Variants in PPM1L observed in about 807,000 individuals in gnomAD.
PPM1L encodes the protein protein phosphatase 1L.
In PPM1L, 13 loss-of-function variants were observed where a neutral mutation model predicts 31.4. The observed-to-expected ratio is 0.41, with a 90% confidence interval of 0.27 to 0.66. The LOEUF is 0.66. Ranked by LOEUF, PPM1L falls within the 30% of genes least tolerant of loss-of-function variation. PPM1L has a pLI of 0.29. For synonymous variants in PPM1L, 184 were observed against 175.4 expected, an observed-to-expected ratio of 1.05 and a Z score of -0.39; for missense variants, 326 against 453.7, an observed-to-expected ratio of 0.72 and a Z score of 2.56.
intron 1 of PPM1L, among the ~76,000 whole-genome samples, chr3:160,887,625 C>T (rs994889224): frequency 4.7e-5 from 7 of 149,704 alleles, no homozygotes; most frequent in Admixed American, 6.7e-5. Flanking sequence ...CTGTCACCCA[C>T]GCTGGAGTGC....
chr3:160,969,068 AG>A (rs1213942750), intron 2 of PPM1L, among the ~76,000 whole-genome samples: 1 of 152,226 alleles, frequency 6.6e-6, no homozygotes, highest in African/African-American at 2.4e-5. Context: ...TTTGGGTATC[AG>A]AGTTGGGAGC....
chr3:160,975,224 T>C (rs916970424), intron 2 of PPM1L, among the ~76,000 whole-genome samples: 1 of 152,148 alleles, frequency 6.6e-6, no homozygotes, highest in Admixed American at 6.5e-5. Flanking sequence ...TCTGTTCCAT[T>C]GATCTATATC....
At chr3:160,833,015 C>T (rs553039386) in intron 1 of PPM1L, among the ~76,000 whole-genome samples, 11 of 152,182 alleles carry the variant, frequency 7.2e-5, no homozygotes, top group Admixed American at 4.6e-4. Flanking sequence ...TGAGAACATG[C>T]GGTGTTTGGT....
At chr3:161,058,505 G>A (rs539322782) in intron 2 of PPM1L, among the ~76,000 whole-genome samples, 2 of 151,946 alleles carry the variant, frequency 1.3e-5, no homozygotes, top group East Asian at 3.9e-4. Flanking sequence ...CATATGCATT[G>A]AGCAATGTAA....
At chr3:160,797,739 T>C (rs1712302223) in intron 1 of PPM1L, among the ~76,000 whole-genome samples, 1 of 152,256 alleles carries the variant, frequency 6.6e-6, no homozygotes, top group South Asian at 2.1e-4. Context: ...CAACGTTCTC[T>C]TCAGCTAAAG....
chr3:160,885,424 C>T (rs1425983612), intron 1 of PPM1L, among the ~76,000 whole-genome samples: 2 of 152,144 alleles, frequency 1.3e-5, no homozygotes, highest in Admixed American at 6.5e-5. Context: ...ATGAGGGGGG[C>T]AAGGCCAAGA....
chr3:160,973,837 T>G (rs1385224611), intron 2 of PPM1L, among the ~76,000 whole-genome samples: 1 of 149,806 alleles, frequency 6.7e-6, no homozygotes, highest in African/African-American at 2.4e-5. Flanking sequence ...TTGAGAATGA[T>G]TCTATCTAGT....
intron 1 of PPM1L, among the ~76,000 whole-genome samples, chr3:160,850,883 GT>G (rs1011602132): frequency 8.2e-5 from 10 of 121,922 alleles, no homozygotes; most frequent in African/African-American, 2.7e-4. Flanking sequence ...TTTTTTTTTG[GT>G]GGGGGGGGGG....
chr3:160,984,018 A>G (rs1173485614), intron 2 of PPM1L, among the ~76,000 whole-genome samples: 8 of 152,208 alleles, frequency 5.3e-5, no homozygotes, highest in Admixed American at 5.2e-4. Context: ...AGAATCACTA[A>G]TGAACTTCCG....
intron 1 of PPM1L, among the ~76,000 whole-genome samples, chr3:160,829,255 C>T (rs1560118731): frequency 3.3e-5 from 5 of 151,686 alleles, no homozygotes. Context: ...AAAACCTAGC[C>T]TTTTATGTCT....
chr3:160,769,932 A>G (rs1288488897), intron 1 of PPM1L, among the ~76,000 whole-genome samples: 1 of 152,152 alleles, frequency 6.6e-6, no homozygotes, highest in Non-Finnish European at 1.5e-5. Flanking sequence ...AGAGAGTGTA[A>G]AAGACTTTTC....
At chr3:160,894,837 T>C (rs1022985133) in intron 1 of PPM1L, among the ~76,000 whole-genome samples, 1 of 152,242 alleles carries the variant, frequency 6.6e-6, no homozygotes, top group Non-Finnish European at 1.5e-5. Context: ...TCAAACATCA[T>C]GATTAATTTT....
chr3:160,917,752 A>G (rs1714239731), intron 1 of PPM1L, among the ~76,000 whole-genome samples: 1 of 152,170 alleles, frequency 6.6e-6, no homozygotes. Context: ...AGGAAGGCCA[A>G]TTTGGGACCG....
At chr3:160,991,101 A>T (rs931149092) in intron 2 of PPM1L, among the ~76,000 whole-genome samples, 3 of 151,974 alleles carry the variant, frequency 2.0e-5, no homozygotes, top group African/African-American at 7.3e-5. Flanking sequence ...AAAGAAAAAA[A>T]TCACAAAAAA....
intron 1 of PPM1L, among the ~76,000 whole-genome samples, chr3:160,796,150 C>T (rs371462664): frequency 2.6e-5 from 4 of 152,320 alleles, no homozygotes; most frequent in Admixed American, 6.5e-5. Context: ...ATTTTATGTA[C>T]GTATATGATG....
intron 2 of PPM1L, among the ~76,000 whole-genome samples, chr3:161,060,722 T>TG (rs1247985342): frequency 4.1e-5 from 3 of 73,242 alleles, no homozygotes; most frequent in Admixed American, 2.8e-4. Flanking sequence ...GTGAATTCGC[T>TG]TTTTTTTTTT....
At chr3:161,060,893 T>C (rs960075409) in intron 2 of PPM1L, among the ~76,000 whole-genome samples, 5 of 152,252 alleles carry the variant, frequency 3.3e-5, no homozygotes, top group Middle Eastern at 3.4e-3. Flanking sequence ...CTGGCCCTGG[T>C]ATTTTTGATA....
At chr3:160,837,309 G>A (rs1334419953) in intron 1 of PPM1L, among the ~76,000 whole-genome samples, 3 of 152,040 alleles carry the variant, frequency 2.0e-5, no homozygotes, top group African/African-American at 7.2e-5. Flanking sequence ...AGAGAAGGGA[G>A]TAATAAAAAA....
In PPM1L at chr3:160,948,142, G is replaced by T. The variant is rs183684771; in HGVS notation, c.400-13594G>T. 1.8e-3 allele frequency among the ~76,000 whole-genome samples: 269 copies of T among 152,162 alleles called. 1 individual carries two copies. Among genetic ancestry groups the T allele is most frequent in the African/African-American group, 5.7e-3 (237 of 41,514 alleles). On this transcript the variant is annotated intron_variant, in intron 1 of 3. Transcript: ENST00000498165. ...TTCTAGCTTATGACTGTGACTGCCC[G>T]TCCAGCTATTTTCTTATGGAGTTGA...
Sources: allele counts gnomAD v4.1 joint callset (sites outside exome capture counted in the v4.1 genomes callset), GRCh38; gene constraint gnomAD v4.1.1; transcripts MANE v1.5; gene names NCBI Gene and HGNC (gene_info 2026-07-23, HGNC 2026-07-21).